Variants in AKNA observed in about 807,000 individuals in gnomAD.
AKNA encodes AT-hook transcription factor.
In AKNA, 67 loss-of-function variants were observed where a neutral mutation model predicts 138.8. That is an observed-to-expected ratio of 0.48 (90% CI 0.40 to 0.59). AKNA has a LOEUF of 0.59. AKNA is among the 20% of genes least tolerant of loss of function. AKNA has a pLI of 0.00. For missense variants in AKNA, 1,813 were observed against 1,880.4 expected, an observed-to-expected ratio of 0.96 and a Z score of 0.66; for synonymous variants, 737 against 754.4, an observed-to-expected ratio of 0.98 and a Z score of 0.38.
At chr9:114,343,293 G>C (rs1206486303) in intron 19 of AKNA, among the ~76,000 whole-genome samples, 1 of 152,174 alleles carries the variant, frequency 6.6e-6, no homozygotes, top group Non-Finnish European at 1.5e-5. Context: ...CAAGGAACTG[G>C]CCTAAGGTCA....
At chr9:114,359,312 A>C (rs1588976983) in intron 11 of AKNA, 1 of 541,042 alleles carries the variant, frequency 1.8e-6, no homozygotes, top group Non-Finnish European at 3.1e-6. Flanking sequence ...CAAGTGATCC[A>C]CCTGCCTTGG....
chr9:114,343,531 C>T (rs1180978192), intron 19 of AKNA, among the ~76,000 whole-genome samples, 177 bp downstream of exon 19: 1 of 152,248 alleles, frequency 6.6e-6, no homozygotes, highest in Non-Finnish European at 1.5e-5. Context: ...CAGGCAGCAG[C>T]ACCTGAAGCA....
chr9:114,351,118 G>T, intron 14 of AKNA, 97 bp from the exon 15 acceptor site: 1 of 1,288,502 alleles, frequency 7.8e-7, no homozygotes, highest in Middle Eastern at 2.4e-4. Context: ...GTGAAGAGAC[G>T]GTGCCTAGTT....
At position 114,336,960 on chromosome 9, in the gene AKNA, G is replaced by C. The variant is rs950435034; in HGVS notation, c.*94C>G. The C allele has an allele frequency of 1.6e-5, 22 of 1,399,916 alleles. No individual in the cohort carries two copies. In the South Asian group the frequency reaches 2.7e-4, roughly 17 times the overall value. The allele number at this position is 1,399,916 out of a possible 1,614,324, so 86.7% of individuals were successfully genotyped here. The stretch of plus-strand genomic sequence containing the variant: ...AGACCCTCCTGGTGAGGAACTATGC[G>C]GGCCTTCTGGGCCTCAGCAGCTCCA... On this transcript the variant is annotated 3_prime_UTR_variant, in exon 22 of 22. Coordinates refer to ENST00000374088, the MANE Select transcript of AKNA (RefSeq NM_001317950.2).
In AKNA at chr9:114,345,993, C is replaced by G. The variant is rs1830654902; in HGVS notation, c.3531G>C (p.Leu1177=). The change falls in exon 18 of 22, where the codon CTG becomes CTC. Residue 1177 remains leucine, a synonymous_variant. Transcript: ENST00000374088. ...TCTCAGAGAACAGTGGTAGGGAGGG[C>G]AGCTCAGATTCTGAACCTGGGGTAG... ...LRLSLSSESE[L]PSLPLFSEKS... is the part of the protein sequence containing the mutation. 2 of 1,613,566 alleles carry G rather than the reference C, an allele frequency of 1.2e-6. No individual in the cohort carries two copies. Among genetic ancestry groups the G allele is most frequent in the South Asian group, 2.2e-5 (2 of 91,046 alleles).
chr9:114,341,456 C>A, intron 21 of AKNA, 77 bp downstream of exon 21: 5 of 1,571,824 alleles, frequency 3.2e-6, no homozygotes, highest in Non-Finnish European at 4.3e-6. Context: ...ATCTCAGCTG[C>A]CCCACCCAGG....
At chr9:114,390,961 G>C (rs1757138830), upstream of AKNA, among the ~76,000 whole-genome samples, 1 of 152,232 alleles carries the variant, frequency 6.6e-6, no homozygotes, top group South Asian at 2.1e-4. Flanking sequence ...AGCTCTGTGA[G>C]GCTCTCATCA....
chr9:114,332,017 A>C, downstream of AKNA: 1 of 1,162,002 alleles, frequency 8.6e-7, no homozygotes, highest in South Asian at 1.3e-5. Flanking sequence ...GCTGCCAGGC[A>C]AGGCTGCACA....
chr9:114,391,259 C>T (rs902825112), upstream of AKNA, among the ~76,000 whole-genome samples: 8 of 152,200 alleles, frequency 5.3e-5, no homozygotes, highest in South Asian at 2.1e-4. Context: ...CATTGCAGCC[C>T]GCAGAGATAA....
At chr9:114,359,058 AT>A (rs1831718634) in intron 11 of AKNA, 1 of 152,980 alleles carries the variant, frequency 6.5e-6, no homozygotes, top group Non-Finnish European at 1.4e-5. Context: ...GAAAAAGAGA[AT>A]GATATTCTTT....
intron 1 of AKNA, among the ~76,000 whole-genome samples, chr9:114,386,524 GCA>G (rs1834045877): frequency 1.3e-5 from 2 of 152,178 alleles, no homozygotes; most frequent in Non-Finnish European, 2.9e-5. Context: ...CTCCTAAAAG[GCA>G]GTGAGTGGGG....
At chr9:114,394,759 G>A (rs536730013), upstream of AKNA, among the ~76,000 whole-genome samples, 12 of 152,372 alleles carry the variant, frequency 7.9e-5, no homozygotes, top group Non-Finnish European at 1.2e-4. Context: ...AGTTGGGTCT[G>A]TACCCACAAA....
chr9:114,362,606 T>C (rs974035855), intron 7 of AKNA, 73 bp from the exon 8 acceptor site: 30 of 1,514,144 alleles, frequency 2.0e-5, no homozygotes, highest in Non-Finnish European at 2.3e-5. Flanking sequence ...ACACAGTGGA[T>C]GAGACAGCTT....
rs746886910 is a variant in AKNA, at chr9:114,376,779, G to A, written c.1028C>T (p.Ser343Phe). The A allele has an allele frequency of 2.5e-6, 4 of 1,612,464 alleles. No homozygotes were observed. Among genetic ancestry groups the A allele is most frequent in the Non-Finnish European group, 2.5e-6 (3 of 1,179,096 alleles). The change falls in exon 3 of 22, where the codon TCT becomes TTT. Residue 343 changes from serine to phenylalanine, a missense_variant. By Grantham distance (155) the Ser-to-Phe change is radical. Transcript: ENST00000374088. ...CCGGCCATACTTGGGGGCATTAGAA[G>A]AGGAGCGGCCAGCCAGAGTGGCTCC... is the stretch of plus-strand genomic sequence containing the variant. ...RQGATLAGRS[S>F]SNAPKYGRGQ...
At chr9:114,348,002 C>A in intron 15 of AKNA, 102 bp from the exon 16 acceptor site, 1 of 1,290,372 alleles carries the variant, frequency 7.7e-7, no homozygotes, top group Non-Finnish European at 1.1e-6. Context: ...CCCTTCACAG[C>A]AGGCACAGGG....
chr9:114,331,606 G>A (rs768389009), downstream of AKNA: 8 of 1,613,890 alleles, frequency 5.0e-6, no homozygotes, highest in Non-Finnish European at 6.8e-6. Context: ...CTGTTCCTTA[G>A]GGACACCAAG....
At chr9:114,344,697 T>G (rs1588947928) in intron 18 of AKNA, 1 of 152,816 alleles carries the variant, frequency 6.5e-6, no homozygotes, top group Non-Finnish European at 1.5e-5. Context: ...CTCATTGTGT[T>G]GGAAGCATTT....
intron 14 of AKNA, 81 bp from the exon 15 acceptor site, chr9:114,351,102 G>T: frequency 1.4e-6 from 2 of 1,435,650 alleles, no homozygotes; most frequent in Non-Finnish European, 1.9e-6. Flanking sequence ...TGGAATGATG[G>T]GGGAAGTGAA....
At chr9:114,337,378 G>T in intron 21 of AKNA, 72 bp from the exon 22 acceptor site, 1 of 1,347,512 alleles carries the variant, frequency 7.4e-7, no homozygotes, top group Non-Finnish European at 9.6e-7. Flanking sequence ...ACCGTGTGTG[G>T]GGTCAACCCC....
Sources: allele counts gnomAD v4.1 joint callset (sites outside exome capture counted in the v4.1 genomes callset), GRCh38; gene constraint gnomAD v4.1.1; transcripts MANE v1.5; gene names NCBI Gene and HGNC (gene_info 2026-07-23, HGNC 2026-07-21).